The following SYNE2 variants were observed in gnomAD, a reference collection of about 807,000 sequenced individuals.
SYNE2 encodes nesprin-2.
In SYNE2, 431 loss-of-function variants were observed where a neutral mutation model predicts 856.3. That is an observed-to-expected ratio of 0.50 (90% confidence interval 0.47 to 0.55). SYNE2 has a LOEUF of 0.55. Among genes scored for constraint, SYNE2 ranks in the 20% least tolerant of loss-of-function variants. The pLI is 0.00. For missense variants in SYNE2, 8,129 were observed against 8,023.2 expected (o/e 1.01, Z -0.50); for synonymous variants, 2,923 against 2,872.3 (o/e 1.02, Z -0.56).
At chr14:64,209,051 C>G in intron 101 of SYNE2, 106 bp downstream of exon 101, 1 of 1,386,870 alleles carries the variant, frequency 7.2e-7, no homozygotes, top group Admixed American at 2.0e-5. Flanking sequence ...CTTAGAAATG[C>G]GCCAGGTATT....
rs764965406 is a variant in SYNE2, at chr14:64,141,996, A to T, written c.15214A>T (p.Met5072Leu). Residue 5072 changes from methionine to leucine, a missense_variant, in exon 82 of 116, where the codon ATG becomes TTG. Physicochemically the swap from Met to Leu is conservative, Grantham distance 15 (BLOSUM62 2). Transcript: ENST00000555002. Reference sequence around the variant, plus strand: ...AGCAATCACAGAAATGATTAGCTGGATGAACAATGTGGAGCATCAAACTTC... The same window carrying T: ...AGCAATCACAGAAATGATTAGCTGGTTGAACAATGTGGAGCATCAAACTTC... ...RKAITEMISW[M>L]NNVEHQTSDE... The T allele has an allele frequency of 6.2e-7, 1 of 1,614,144 alleles. No individual in the cohort carries two copies.
chr14:64,187,475 AT>A (rs1567588382), intron 97 of SYNE2, among the ~76,000 whole-genome samples: 1 of 152,344 alleles, frequency 6.6e-6, no homozygotes, highest in East Asian at 1.9e-4. Flanking sequence ...AATTGTTACT[AT>A]TATGAAATCA....
chr14:63,953,078 A>G (rs1197347574), intron 7 of SYNE2, among the ~76,000 whole-genome samples: 1 of 152,204 alleles, frequency 6.6e-6, no homozygotes, highest in African/African-American at 2.4e-5. Flanking sequence ...GAATGAGTCT[A>G]CAGTGGTGAA....
At chr14:64,144,710 T>C (rs2098167053) in intron 83 of SYNE2, among the ~76,000 whole-genome samples, 1 of 152,124 alleles carries the variant, frequency 6.6e-6, no homozygotes, top group Non-Finnish European at 1.5e-5. Context: ...ATTTGGAAAA[T>C]GTAAAGAACC....
intron 2 of SYNE2, among the ~76,000 whole-genome samples, chr14:63,910,558 GA>G (rs1045353394): frequency 5.9e-5 from 9 of 152,112 alleles, no homozygotes; most frequent in African/African-American, 1.9e-4. Context: ...CATTTAACTG[GA>G]AAAAAATTAT....
intron 96 of SYNE2, among the ~76,000 whole-genome samples, chr14:64,185,257 G>C (rs2098482762): frequency 6.6e-6 from 1 of 151,954 alleles, no homozygotes; most frequent in South Asian, 2.1e-4. Context: ...GTGAGACCCT[G>C]TCTCTTAAAA....
chr14:63,980,838 G>A (rs776322919), intron 15 of SYNE2, 106 bp downstream of exon 15: 123 of 1,096,898 alleles, frequency 1.1e-4, no homozygotes, highest in Non-Finnish European at 1.6e-4. Flanking sequence ...TTATGTGCAT[G>A]TTTTCCTGGG....
At position 63,997,240 on chromosome 14, in the gene SYNE2, G is replaced by C. The variant is rs2096720563; in HGVS notation, c.3153-61G>C. Reference sequence around the variant, plus strand: ...TCAAATGACATTAAGCGTTAGTCATGCTTGTTTAGGTTTCATTTTTCTTAC... The same window carrying C: ...TCAAATGACATTAAGCGTTAGTCATCCTTGTTTAGGTTTCATTTTTCTTAC... On this transcript the variant is annotated intron_variant, in intron 24 of 115. Coordinates refer to ENST00000555002, the MANE Select transcript of SYNE2 (RefSeq NM_182914.3). The C allele has an allele frequency of 2.3e-5, 36 of 1,584,974 alleles. No homozygotes were observed. The South Asian group carries it at 3.8e-4, about 17-fold the overall frequency.
chr14:64,102,992 T>C (rs561203363), intron 64 of SYNE2, among the ~76,000 whole-genome samples: 16 of 152,208 alleles, frequency 1.1e-4, no homozygotes, highest in Non-Finnish European at 1.8e-4. Context: ...TCCTTCTTTT[T>C]GAAGGCTGGC....
intron 1 of SYNE2, among the ~76,000 whole-genome samples, chr14:63,864,173 T>C (rs1894576680): frequency 6.6e-6 from 1 of 152,226 alleles, no homozygotes; most frequent in South Asian, 2.1e-4. Flanking sequence ...CTAAGCTTGC[T>C]CTTGTTAGAA....
intron 1 of SYNE2, among the ~76,000 whole-genome samples, chr14:63,881,548 G>C (rs1210195114): frequency 6.7e-6 from 1 of 150,180 alleles, no homozygotes; most frequent in African/African-American, 2.4e-5. Flanking sequence ...AGATTAATTT[G>C]TGTGTCATAT....
intron 2 of SYNE2, among the ~76,000 whole-genome samples, chr14:63,936,050 T>G (rs12895526): frequency 0.12 from 18,395 of 152,100 alleles, 1,231 homozygotes; most frequent in Middle Eastern, 0.21. Flanking sequence ...AATTTTTGTA[T>G]TTTTAATAGA....
chr14:64,223,102 T>C (rs1331127968), intron 112 of SYNE2, 87 bp from the exon 113 acceptor site: 1 of 1,430,280 alleles, frequency 7.0e-7, no homozygotes, highest in African/African-American at 1.4e-5. Context: ...CATTCTGGAA[T>C]TTTTCTGGTA....
intron 1 of SYNE2, among the ~76,000 whole-genome samples, chr14:63,788,584 G>A (rs1226110863): frequency 6.6e-6 from 1 of 152,126 alleles, no homozygotes; most frequent in Non-Finnish European, 1.5e-5. Flanking sequence ...GGAGGCCCAG[G>A]TCTACAGGCA....
chr14:63,969,144 T>C (rs2096438797), intron 11 of SYNE2, among the ~76,000 whole-genome samples: 1 of 151,800 alleles, frequency 6.6e-6, no homozygotes, highest in African/African-American at 2.4e-5. Context: ...TCCATCCACA[T>C]TGTTGCAAAT....
chr14:64,040,622 A>G (rs1389085077), intron 45 of SYNE2, among the ~76,000 whole-genome samples: 1 of 147,672 alleles, frequency 6.8e-6, no homozygotes, highest in African/African-American at 2.5e-5. Flanking sequence ...ATATGTATAT[A>G]CATATATATG....
intron 11 of SYNE2, among the ~76,000 whole-genome samples, chr14:63,972,476 A>G (rs1276062638): frequency 6.6e-6 from 1 of 152,232 alleles, no homozygotes; most frequent in Non-Finnish European, 1.5e-5. Flanking sequence ...TTTTAAAGTC[A>G]TTGAGGACAT....
At chr14:63,826,310 CT>C (rs947239595) in intron 1 of SYNE2, among the ~76,000 whole-genome samples, 2 of 151,752 alleles carry the variant, frequency 1.3e-5, no homozygotes, top group African/African-American at 4.8e-5. Context: ...ATAGTCTTTT[CT>C]TTTTTTTGAG....
At chr14:63,960,116 A>G (rs1456507371) in intron 8 of SYNE2, among the ~76,000 whole-genome samples, 1 of 152,320 alleles carries the variant, frequency 6.6e-6, no homozygotes, top group South Asian at 2.1e-4. Context: ...TTATAAAGCA[A>G]TATCTAAATA....
Sources: allele counts gnomAD v4.1 joint callset (sites outside exome capture counted in the v4.1 genomes callset), GRCh38; gene constraint gnomAD v4.1.1; transcripts MANE v1.5; gene names NCBI Gene and HGNC (gene_info 2026-07-23, HGNC 2026-07-21).